Variants in BTF3L4 observed in about 807,000 individuals in gnomAD.
BTF3L4 encodes the protein basic transcription factor 3 like 4.
BTF3L4 carries 6 observed loss-of-function variants against 16.8 expected under a neutral mutation model. That is an observed-to-expected ratio of 0.36 (90% CI 0.20 to 0.71). BTF3L4 has a LOEUF of 0.71. Ranked by LOEUF, BTF3L4 falls within the 30% of genes least tolerant of loss-of-function variation. The pLI is 0.58. For missense variants in BTF3L4, 92 were observed against 186.9 expected (o/e 0.49, Z 2.96); for synonymous variants, 39 against 59.8 (o/e 0.65, Z 1.60).
intron 3 of BTF3L4, among the ~76,000 whole-genome samples, chr1:52,076,682 A>C (rs1686943216): frequency 6.6e-6 from 1 of 152,242 alleles, no homozygotes; most frequent in South Asian, 2.1e-4. Flanking sequence ...GACTAATGAT[A>C]GCGTAAGCTT....
intron 3 of BTF3L4, among the ~76,000 whole-genome samples, chr1:52,067,080 AC>A (rs1329440803): frequency 1.3e-5 from 2 of 151,978 alleles, no homozygotes; most frequent in African/African-American, 4.8e-5. Context: ...TACTAAATAT[AC>A]AAAAATTAGC....
chr1:52,061,413 G>A (rs1472071898), intron 2 of BTF3L4, among the ~76,000 whole-genome samples: 8 of 150,926 alleles, frequency 5.3e-5, no homozygotes, highest in Admixed American at 2.6e-4. Flanking sequence ...ACTTGAACCC[G>A]GGAGGTGGAA....
At chr1:52,075,924 C>T (rs973454750) in intron 3 of BTF3L4, among the ~76,000 whole-genome samples, 4 of 152,158 alleles carry the variant, frequency 2.6e-5, no homozygotes, top group African/African-American at 4.8e-5. Flanking sequence ...CTCAGCCTCC[C>T]GAAGCGTAGG....
At chr1:52,070,481 C>A (rs1405685598) in intron 3 of BTF3L4, among the ~76,000 whole-genome samples, 1 of 149,142 alleles carries the variant, frequency 6.7e-6, no homozygotes, top group Non-Finnish European at 1.5e-5. Flanking sequence ...ATCGCTTGAA[C>A]CCTGGAGGCA....
Position 52,063,957 on chromosome 1 carries a change from A to G in BTF3L4, c.55-868A>G, listed in dbSNP as rs373459418. ...ATAGCAACTTCAGTCATAAGTAATC[A>G]GATCAAGTCACTCCCATGCTTAAAA... On this transcript the variant is annotated intron_variant, in intron 2 of 5. Coordinates refer to ENST00000313334, the MANE Select transcript of BTF3L4 (RefSeq NM_152265.5). 2.6e-5 allele frequency among the ~76,000 whole-genome samples: 4 copies of G among 152,366 alleles called. 1 individual carries two copies. The highest frequency in any genetic ancestry group is 9.6e-5 in the African/African-American group (4 of 41,586).
chr1:52,079,247 G>A (rs1443206698), intron 3 of BTF3L4, among the ~76,000 whole-genome samples: 2 of 151,960 alleles, frequency 1.3e-5, no homozygotes, highest in African/African-American at 4.8e-5. Flanking sequence ...GTCGGGCATG[G>A]TGGCACACAC....
chr1:52,065,085 A>G (rs12026584), intron 3 of BTF3L4, 147 bp downstream of exon 3: 4,791 of 423,290 alleles, frequency 0.011, 209 homozygotes, highest in East Asian at 0.11. Context: ...TGATTTTTGT[A>G]TGAAATTAAA....
chr1:52,068,313 A>G (rs1686703960), intron 3 of BTF3L4, among the ~76,000 whole-genome samples: 1 of 152,238 alleles, frequency 6.6e-6, no homozygotes, highest in African/African-American at 2.4e-5. Flanking sequence ...CTGCGTGCTA[A>G]GCATTTTGCC....
chr1:52,077,781 TA>T (rs1271835465), intron 3 of BTF3L4, among the ~76,000 whole-genome samples: 4 of 152,208 alleles, frequency 2.6e-5, no homozygotes. Flanking sequence ...CTACTATGAC[TA>T]ACTTACATAC....
rs1265919400 is a variant in BTF3L4, at chr1:52,060,139, A to G, written c.54+238A>G. Among the ~76,000 whole-genome samples the G allele has an allele frequency of 4.6e-5, 7 of 152,234 alleles. No individual in the cohort carries two copies. The South Asian group carries it at 1.2e-3, about 27-fold the overall frequency. Reference sequence around the variant, plus strand: ...TCCTAACTCTTACCATCTGCTAGTTATATGATGTGAACAAGTTATCCAACC... The same window carrying G: ...TCCTAACTCTTACCATCTGCTAGTTGTATGATGTGAACAAGTTATCCAACC... On this transcript the variant is annotated intron_variant, in intron 2 of 5. Coordinates refer to ENST00000313334, the MANE Select transcript of BTF3L4 (RefSeq NM_152265.5).
intron 1 of BTF3L4, among the ~76,000 whole-genome samples, chr1:52,056,671 A>C (rs139650186): frequency 1.3e-5 from 2 of 152,330 alleles, no homozygotes; most frequent in Admixed American, 6.5e-5. Context: ...CCTCTGTTCC[A>C]TTACTCCTTG....
intron 2 of BTF3L4, among the ~76,000 whole-genome samples, chr1:52,064,273 A>G (rs1373804739): frequency 6.6e-6 from 1 of 152,162 alleles, no homozygotes; most frequent in Non-Finnish European, 1.5e-5. Context: ...CTTTGCCCCT[A>G]CTTAGTCATT....
intron 3 of BTF3L4, among the ~76,000 whole-genome samples, chr1:52,075,580 A>G (rs931596905): frequency 6.8e-6 from 1 of 147,356 alleles, no homozygotes; most frequent in Admixed American, 6.8e-5. Context: ...TTTAAAATAT[A>G]TATTATATAT....
intron 2 of BTF3L4, among the ~76,000 whole-genome samples, chr1:52,062,157 T>A (rs1686529411): frequency 6.7e-6 from 1 of 149,958 alleles, no homozygotes; most frequent in African/African-American, 2.5e-5. Context: ...GCCAGGATGG[T>A]CTTGCTTGAT....
In BTF3L4 at chr1:52,080,836, C is replaced by CTT. The variant is rs34697464; in HGVS notation, c.169-2483_169-2482dup. On this transcript the variant is annotated intron_variant, in intron 3 of 5. Transcript: ENST00000313334. ...GGCGTGAGCCACTGCGCTCGGCCTT[C>CTT]TTTTTTTTTTTTTTTTTTTTTTCTG... 6.1e-3 allele frequency among the ~76,000 whole-genome samples: 505 copies of CTT among 83,432 alleles called. 6 individuals carry two copies. Among genetic ancestry groups the CTT allele is most frequent in the African/African-American group, 0.017 (378 of 22,138 alleles). The allele number at this position is 83,432 out of a possible 152,430, so 54.7% of individuals were successfully genotyped here.
intron 1 of BTF3L4, among the ~76,000 whole-genome samples, chr1:52,056,907 C>T (rs1376231682): frequency 2.0e-5 from 3 of 152,204 alleles, no homozygotes; most frequent in African/African-American, 7.2e-5. Context: ...TGCCTGCTGA[C>T]CGACAGGCTC....
intron 2 of BTF3L4, among the ~76,000 whole-genome samples, chr1:52,061,642 T>C (rs1686513744): frequency 7.1e-6 from 1 of 140,442 alleles, no homozygotes; most frequent in South Asian, 2.4e-4. Context: ...ATTCTTTTTT[T>C]TTTTTTTTTT....
chr1:52,067,676 A>G (rs1686689493), intron 3 of BTF3L4, among the ~76,000 whole-genome samples: 1 of 152,222 alleles, frequency 6.6e-6, no homozygotes, highest in Non-Finnish European at 1.5e-5. Context: ...TTGCAATAAT[A>G]CACATGAATT....
At position 52,086,955 on chromosome 1, in the gene BTF3L4, G is replaced by C; in HGVS notation, c.*197G>C. The C allele has an allele frequency of 4.4e-6, 2 of 452,424 alleles. No individual in the cohort carries two copies. Among genetic ancestry groups the C allele is most frequent in the Non-Finnish European group, 8.0e-6 (2 of 251,404 alleles). The allele number at this position is 452,424 out of a possible 1,614,324, so 28.0% of individuals were successfully genotyped here. A position where few individuals can be genotyped will look rare whatever the true frequency, so the allele number is the denominator to read the frequency against. On this transcript the variant is annotated 3_prime_UTR_variant, in exon 6 of 6. Coordinates refer to ENST00000313334, the MANE Select transcript of BTF3L4 (RefSeq NM_152265.5). Reference sequence around the variant, plus strand: ...GCACTTCCTCCCAGGATATTTTTTTGGTCAAAATATGAAGTATTGGTGCAG... The same window carrying C: ...GCACTTCCTCCCAGGATATTTTTTTCGTCAAAATATGAAGTATTGGTGCAG...
Sources: allele counts gnomAD v4.1 joint callset (sites outside exome capture counted in the v4.1 genomes callset), GRCh38; gene constraint gnomAD v4.1.1; transcripts MANE v1.5; gene names NCBI Gene and HGNC (gene_info 2026-07-23, HGNC 2026-07-21).